MAP3K15: variants seen among roughly 807,000 people sequenced by gnomAD.
MAP3K15 encodes the protein mitogen-activated protein kinase kinase kinase 15, also known as MAPK/ERK kinase kinase 15.
MAP3K15 carries 124 observed loss-of-function variants against 99.5 expected under a neutral mutation model. The observed-to-expected ratio is 1.25, with a 90% CI of 1.08 to 1.45. The LOEUF (loss-of-function observed/expected upper bound fraction) is 1.45. MAP3K15 is among the 40% of genes most tolerant of loss of function. The pLI, the probability that MAP3K15 is intolerant of heterozygous loss-of-function variation, is 0.00. For synonymous variants in MAP3K15, 494 were observed against 439.6 expected (o/e 1.12, Z -1.55); for missense variants, 1,242 against 1,079.7 (o/e 1.15, Z -2.11).
intron 25 of MAP3K15, among the ~76,000 whole-genome samples, chrX:19,364,864 G>A (rs1416892766): frequency 2.1e-5 from 2 of 95,063 alleles, no homozygotes; most frequent in Non-Finnish European, 4.0e-5. Flanking sequence ...TTGTACTCCA[G>A]CCTGGGCAAC....
intron 6 of MAP3K15, among the ~76,000 whole-genome samples, chrX:19,449,640 T>C (rs1602317990): frequency 9.2e-6 from 1 of 108,704 alleles, no homozygotes; most frequent in Non-Finnish European, 1.9e-5. Context: ...CAAATATCAA[T>C]AGTGCCAAGG....
At chrX:19,395,725 A>G (rs2063563290) in intron 15 of MAP3K15, among the ~76,000 whole-genome samples, 1 of 111,845 alleles carries the variant, frequency 8.9e-6, no homozygotes, top group African/African-American at 3.3e-5. Flanking sequence ...ACCTCTTCTT[A>G]AAACACACAC....
Position 19,374,594 on chromosome X carries a change from A to C in MAP3K15, c.2656T>G (p.Leu886Val). ...TGGGGGTCAGGCTCGAAACAGGATA[A>C]AATGAAGGCTCGGGCTTCAGCTGAA... ...ALSAEARAFILSCFEPDPHKR... is the reference protein window; with the variant it reads ...ALSAEARAFIVSCFEPDPHKR... Residue 886 changes from leucine (L) to valine (V), a missense_variant, in exon 20 of 29, where the codon TTA becomes GTA. Coordinates refer to ENST00000338883, the MANE Select transcript of MAP3K15 (RefSeq NM_001001671.4). 8.3e-7 allele frequency: 1 copy of C among 1,211,615 alleles called. No homozygotes were observed. The highest frequency in any genetic ancestry group is 1.1e-6 in the Non-Finnish European group (1 of 895,398).
At chrX:19,454,041 T>C (rs2147348382) in intron 6 of MAP3K15, among the ~76,000 whole-genome samples, 1 of 110,815 alleles carries the variant, frequency 9.0e-6, no homozygotes, top group Non-Finnish European at 1.9e-5. Flanking sequence ...TCATCTCATG[T>C]CCCCTGCACA....
Position 19,372,808 on chromosome X carries a change from C to A in MAP3K15, c.2953G>T (p.Ala985Ser). ...HLLSVPDESS[A>S]LEDRGLASSP... ...GAGGCCAAGCCCCGGTCTTCCAAGG[C>A]TGAGCTCTCGTCTGGAACACTGTGG... Residue 985 changes from alanine to serine, a missense_variant, in exon 22 of 29, where the codon GCC becomes TCC. Coordinates refer to ENST00000338883, the MANE Select transcript of MAP3K15 (RefSeq NM_001001671.4). The A allele has an allele frequency of 8.3e-7, 1 of 1,210,019 alleles. No homozygotes were observed. The highest frequency in any genetic ancestry group is 1.1e-6 in the Non-Finnish European group (1 of 894,523).
At chrX:19,372,990 T>A in intron 21 of MAP3K15, 163 bp from the exon 22 acceptor site, 1 of 417,751 alleles carries the variant, frequency 2.4e-6, no homozygotes, top group Non-Finnish European at 3.9e-6. Flanking sequence ...TGCAGTGTTC[T>A]GTCAACCCCC....
intron 1 of MAP3K15, among the ~76,000 whole-genome samples, chrX:19,494,440 G>C (rs2064387530): frequency 8.9e-6 from 1 of 112,183 alleles, no homozygotes; most frequent in Non-Finnish European, 1.9e-5. Flanking sequence ...TCAATTACAA[G>C]GACCTTGAAA....
chrX:19,364,752 G>A (rs1302609981), intron 25 of MAP3K15, among the ~76,000 whole-genome samples: 2 of 109,875 alleles, frequency 1.8e-5, no homozygotes, highest in African/African-American at 6.7e-5. Flanking sequence ...AATTAGCCAG[G>A]CGTGGTGGCA....
intron 1 of MAP3K15, among the ~76,000 whole-genome samples, chrX:19,493,133 AG>A (rs2064378861): frequency 9.1e-6 from 1 of 110,406 alleles, no homozygotes; most frequent in Non-Finnish European, 1.9e-5. Context: ...AAGGGAGGAT[AG>A]GGACAGTAGT....
In MAP3K15 at chrX:19,372,634, C is replaced by A. The variant is rs56058646; in HGVS notation, c.3108+19G>T. On this transcript the variant is annotated intron_variant, in intron 22 of 28. Coordinates refer to ENST00000338883, the MANE Select transcript of MAP3K15 (RefSeq NM_001001671.4). ...GCAGAGGGAGCGGGAAGAGTCGGTG[C>A]CCTCCCTCGGGCAAATACCTGGGCC... 2 of 1,186,078 alleles carry A rather than the reference C, an allele frequency of 1.7e-6. No homozygotes were observed. Among genetic ancestry groups the A allele is most frequent in the South Asian group, 1.9e-5 (1 of 53,812 alleles).
intron 5 of MAP3K15, among the ~76,000 whole-genome samples, chrX:19,457,505 G>C (rs778724463): frequency 9.0e-6 from 1 of 111,611 alleles, no homozygotes; most frequent in African/African-American, 3.3e-5. Context: ...CCAGCTACTC[G>C]AGAGGCTGAG....
In MAP3K15 at chrX:19,400,665, T is replaced by C; in HGVS notation, c.1845-2A>G. The C allele has an allele frequency of 4.2e-6, 5 of 1,180,085 alleles. No individual in the cohort carries two copies. Among genetic ancestry groups the C allele is most frequent in the Non-Finnish European group, 5.7e-6 (5 of 869,809 alleles). On this transcript the variant is annotated splice_acceptor_variant, in intron 13 of 28. Transcript: ENST00000338883. LOFTEE classifies it high-confidence loss of function. Reference sequence around the variant, plus strand: ...ATCTCTTTGACCAAAGAGAAAAATCTAGAACAGCAAGTGTCACAAATACGT... The same window carrying C: ...ATCTCTTTGACCAAAGAGAAAAATCCAGAACAGCAAGTGTCACAAATACGT...
In MAP3K15 at chrX:19,460,261, C is replaced by A. The variant is rs763608350; in HGVS notation, c.720-108G>T. 168 of 494,475 alleles carry A rather than the reference C, an allele frequency of 3.4e-4. No individual in the cohort carries two copies. In the African/African-American group the frequency reaches 3.5e-3, roughly 10 times the overall value. The allele number at this position is 494,475 out of a possible 1,213,427, so 40.8% of individuals were successfully genotyped here. On this transcript the variant is annotated intron_variant, in intron 4 of 28. Coordinates refer to ENST00000338883, the MANE Select transcript of MAP3K15 (RefSeq NM_001001671.4). ...CCTGACTTAGGCTAACACATAGGGA[C>A]CTCGGCCCAGACCTGAGCCTCCCTG...
At chrX:19,424,719 C>T (rs1414607920) in intron 9 of MAP3K15, among the ~76,000 whole-genome samples, 2 of 110,783 alleles carry the variant, frequency 1.8e-5, no homozygotes, top group Admixed American at 9.7e-5. Context: ...AATCACAGCT[C>T]GCTGCAGCCT....
chrX:19,418,851 T>G (rs1238216406), intron 9 of MAP3K15, among the ~76,000 whole-genome samples: 1 of 111,798 alleles, frequency 8.9e-6, no homozygotes, highest in African/African-American at 3.3e-5. Context: ...CTGCAGAAAC[T>G]CTACAAGCCA....
At chrX:19,486,327 G>A (rs2064325514) in intron 3 of MAP3K15, among the ~76,000 whole-genome samples, 155 bp downstream of exon 3, 1 of 111,967 alleles carries the variant, frequency 8.9e-6, no homozygotes, top group Non-Finnish European at 1.9e-5. Flanking sequence ...GCCGGTTGAG[G>A]CATAGGGAGA....
rs747423903 is a variant in MAP3K15 at position 19,464,374 on chromosome X, G to A, written c.558C>T (p.Tyr186=). The change falls in exon 4 of 29, where the codon TAC becomes TAT. Residue 186 remains tyrosine (Y), a synonymous_variant. Coordinates refer to ENST00000338883, the MANE Select transcript of MAP3K15 (RefSeq NM_001001671.4). ...ASSGNYYFIP[Y]IVTPCADYFC... is the part of the protein sequence containing the mutation. The stretch of plus-strand genomic sequence containing the variant: ...AATAATCAGCGCACGGTGTCACGAT[G>A]TATGGGATGAAATAATAATTTCCAC... The A allele has an allele frequency of 9.3e-6, 11 of 1,188,824 alleles. No individual in the cohort carries two copies. In the African/African-American group the frequency reaches 1.8e-4, roughly 19 times the overall value.
Position 19,409,975 on chromosome X carries a change from T to C in MAP3K15, c.1699-2A>G. The C allele has an allele frequency of 8.3e-7, 1 of 1,201,793 alleles. No individual in the cohort carries two copies. The highest frequency in any genetic ancestry group is 1.1e-6 in the Non-Finnish European group (1 of 887,964). On this transcript the variant is annotated splice_acceptor_variant, in intron 11 of 28. Transcript: ENST00000338883. LOFTEE classifies it high-confidence loss of function. ...AAAATTCCATTCGTGCATCTGTTTCTGCAAGTTATCAAAGACAGAAGTCAA... is the reference window on the plus strand; with the variant it reads ...AAAATTCCATTCGTGCATCTGTTTCCGCAAGTTATCAAAGACAGAAGTCAA...
chrX:19,413,620 G>A (rs1267224876), intron 10 of MAP3K15, among the ~76,000 whole-genome samples, 156 bp from the exon 11 acceptor site: 1 of 94,399 alleles, frequency 1.1e-5, no homozygotes, highest in East Asian at 3.5e-4. Flanking sequence ...GGAGGTTGAG[G>A]TCGGAGGATC....
Sources: gnomAD v4.1 joint callset for allele counts (sites outside exome capture counted in the v4.1 genomes callset) on GRCh38, gnomAD v4.1.1 for gene constraint, MANE v1.5 for transcripts, NCBI Gene and HGNC (gene_info 2026-07-23, HGNC 2026-07-21) for gene names.